DEPDC1B: variants seen among roughly 807,000 people sequenced by gnomAD.
DEPDC1B encodes the protein DEP domain containing 1B.
Under a neutral mutation model 66.5 loss-of-function variants are expected in DEPDC1B, and 51 were observed. The ratio of observed to expected loss-of-function variants is 0.77; its 90% CI spans 0.61 to 0.97. The LOEUF (loss-of-function observed/expected upper bound fraction) is 0.97, where lower values mean the gene tolerates loss of function less well. Among genes scored for constraint, DEPDC1B ranks in the 50% least tolerant of loss-of-function variants. The pLI is 0.00. For synonymous variants in DEPDC1B, 226 were observed against 223.6 expected, an observed-to-expected ratio of 1.01 and a Z score of -0.10; for missense variants, 552 against 637.1, an observed-to-expected ratio of 0.87 and a Z score of 1.44.
At chr5:60,652,913 A>T (rs1753488655) in intron 2 of DEPDC1B, among the ~76,000 whole-genome samples, 1 of 149,148 alleles carries the variant, frequency 6.7e-6, no homozygotes, top group South Asian at 2.2e-4. Flanking sequence ...TTTCATCCAG[A>T]TTGCTGCAAA....
chr5:60,600,679 G>A (rs137885915), intron 9 of DEPDC1B, among the ~76,000 whole-genome samples: 38 of 152,352 alleles, frequency 2.5e-4, no homozygotes, highest in African/African-American at 9.1e-4. Flanking sequence ...GCACACTGCA[G>A]TGTCTCTTAA....
At chr5:60,689,024 A>C (rs1297934184) in intron 1 of DEPDC1B, 1 of 456,268 alleles carries the variant, frequency 2.2e-6, no homozygotes, top group Admixed American at 2.3e-5. Context: ...GAAACACTGG[A>C]CCACTTCAGG....
chr5:60,643,139 C>G (rs1753228974), intron 5 of DEPDC1B, among the ~76,000 whole-genome samples: 1 of 151,600 alleles, frequency 6.6e-6, no homozygotes, highest in African/African-American at 2.4e-5. Context: ...TAGTTTGCTC[C>G]AAACAAACAA....
At chr5:60,682,562 T>C (rs758293870) in intron 2 of DEPDC1B, among the ~76,000 whole-genome samples, 4 of 152,044 alleles carry the variant, frequency 2.6e-5, no homozygotes, top group Non-Finnish European at 5.9e-5. Context: ...AAAGCCTACA[T>C]GACATATGGG....
chr5:60,628,851 G>A (rs1215433919), intron 7 of DEPDC1B, among the ~76,000 whole-genome samples: 1 of 152,078 alleles, frequency 6.6e-6, no homozygotes, highest in Non-Finnish European at 1.5e-5. Context: ...ATATAAATAT[G>A]TACTTATTTG....
At chr5:60,653,362 C>T (rs1279281745) in intron 2 of DEPDC1B, among the ~76,000 whole-genome samples, 1 of 132,296 alleles carries the variant, frequency 7.6e-6, no homozygotes, top group Non-Finnish European at 1.5e-5. Flanking sequence ...TAATGTTGAC[C>T]ATTTTTTCAT....
chr5:60,668,870 T>TTAAAAAGAG (rs1444694177), intron 2 of DEPDC1B, among the ~76,000 whole-genome samples: 2 of 152,192 alleles, frequency 1.3e-5, no homozygotes, highest in Non-Finnish European at 2.9e-5. Flanking sequence ...CTGACAACAT[T>TTAAAAAGAG]TAAAAAGAGC....
At chr5:60,648,422 G>A (rs2111892436) in intron 2 of DEPDC1B, among the ~76,000 whole-genome samples, 1 of 152,206 alleles carries the variant, frequency 6.6e-6, no homozygotes, top group Non-Finnish European at 1.5e-5. Context: ...ATATAAGCTG[G>A]GACTCTAAGG....
chr5:60,684,245 AC>A (rs986607513), intron 2 of DEPDC1B, among the ~76,000 whole-genome samples: 5 of 152,210 alleles, frequency 3.3e-5, no homozygotes, highest in South Asian at 2.1e-4. Context: ...ACAGAAAAAA[AC>A]AATCCTGAAA....
intron 2 of DEPDC1B, among the ~76,000 whole-genome samples, chr5:60,684,912 G>T (rs894072931): frequency 6.6e-6 from 1 of 152,136 alleles, no homozygotes; most frequent in African/African-American, 2.4e-5. Flanking sequence ...AATGGGCAAA[G>T]GATCTGAATA....
At chr5:60,666,685 G>T (rs1480520853) in intron 2 of DEPDC1B, among the ~76,000 whole-genome samples, 1 of 152,178 alleles carries the variant, frequency 6.6e-6, no homozygotes, top group African/African-American at 2.4e-5. Flanking sequence ...GGAGTGAAGT[G>T]GACTCTGTGA....
At chr5:60,677,840 A>G (rs1293572694) in intron 2 of DEPDC1B, among the ~76,000 whole-genome samples, 3 of 152,254 alleles carry the variant, frequency 2.0e-5, no homozygotes, top group Non-Finnish European at 4.4e-5. Flanking sequence ...TGAAATGAGT[A>G]AAAACAAAAG....
At chr5:60,699,971 A>G in intron 1 of DEPDC1B, 75 bp downstream of exon 1, 1 of 1,513,926 alleles carries the variant, frequency 6.6e-7, no homozygotes. Context: ...GAAGACTGAC[A>G]AGCACTCTGT....
intron 2 of DEPDC1B, among the ~76,000 whole-genome samples, chr5:60,660,149 G>T (rs192704285): frequency 3.9e-5 from 6 of 151,946 alleles, no homozygotes; most frequent in Non-Finnish European, 7.4e-5. Context: ...GAGATAGAGA[G>T]GAGGAGAGAG....
In DEPDC1B at chr5:60,645,623, A is replaced by T. The variant is rs1753296549; in HGVS notation, c.451-4T>A. The stretch of plus-strand genomic sequence containing the variant: ...GCTTGTACCACATCTCAGAATTCTA[A>T]TGGAGGGGGGATGTAAGAAGGGAGG... On this transcript the variant is annotated splice_region_variant and splice_polypyrimidine_tract_variant and intron_variant, in intron 3 of 10. Transcript: ENST00000265036. 2 of 1,605,200 alleles carry T rather than the reference A, an allele frequency of 1.2e-6. No homozygotes were observed. The highest frequency in any genetic ancestry group is 1.7e-6 in the Non-Finnish European group (2 of 1,176,042).
At chr5:60,651,514 G>C (rs1303606660) in intron 2 of DEPDC1B, among the ~76,000 whole-genome samples, 1 of 146,398 alleles carries the variant, frequency 6.8e-6, no homozygotes, top group East Asian at 2.0e-4. Flanking sequence ...CTGGGCAACA[G>C]AGAGAGACTC....
chr5:60,623,902 T>C (rs879324891), intron 7 of DEPDC1B, among the ~76,000 whole-genome samples: 1 of 152,184 alleles, frequency 6.6e-6, no homozygotes, highest in Non-Finnish European at 1.5e-5. Flanking sequence ...TATTAATTCA[T>C]AAGTGCTTTT....
intron 2 of DEPDC1B, among the ~76,000 whole-genome samples, chr5:60,670,799 T>C (rs766355035): frequency 5.3e-5 from 8 of 152,170 alleles, no homozygotes; most frequent in Non-Finnish European, 8.8e-5. Flanking sequence ...AGCAGTCTTG[T>C]TACTCAAAGG....
At chr5:60,660,622 C>CT (rs1162185206) in intron 2 of DEPDC1B, among the ~76,000 whole-genome samples, 1 of 152,156 alleles carries the variant, frequency 6.6e-6, no homozygotes, top group East Asian at 1.9e-4. Context: ...AAAAAAATAA[C>CT]TTTTAGGGGA....
Sources: gnomAD v4.1 joint callset for allele counts (sites outside exome capture counted in the v4.1 genomes callset) on GRCh38, gnomAD v4.1.1 for gene constraint, MANE v1.5 for transcripts, NCBI Gene and HGNC (gene_info 2026-07-23, HGNC 2026-07-21) for gene names.